Variants in SLC4A11 observed in about 807,000 individuals in gnomAD.
SLC4A11 encodes bicarbonate transporter related protein 1.
SLC4A11 carries 74 observed loss-of-function variants against 95.0 expected under a neutral mutation model. That is an observed-to-expected ratio of 0.78 (90% CI 0.65 to 0.95). The LOEUF is 0.95. SLC4A11 is among the 40% of genes least tolerant of loss of function. SLC4A11 has a pLI of 0.00. For synonymous variants in SLC4A11, 548 were observed against 519.0 expected, an observed-to-expected ratio of 1.06 and a Z score of -0.76; for missense variants, 1,081 against 1,192.4, an observed-to-expected ratio of 0.91 and a Z score of 1.38.
Position 3,234,428 on chromosome 20 carries a change from G to GCCCCCAT in SLC4A11, c.292-115_292-114insATGGGGG. On this transcript the variant is annotated intron_variant, in intron 4 of 19. Coordinates refer to ENST00000642402, the MANE Select transcript of SLC4A11 (RefSeq NM_001174089.2). This position sits in a 1 kb window ranked among gnomAD's most constrained non-coding sequence, Gnocchi z 5.8. ...TCCAGCCCCCAGCCCCCAGCCCCCA[G>GCCCCCAT]CCCTGGGCTGGTGCGAGCTCCCTGT... 2 of 1,509,016 alleles carry GCCCCCAT rather than the reference G, an allele frequency of 1.3e-6. No individual in the cohort carries two copies. The highest frequency in any genetic ancestry group is 1.8e-6 in the Non-Finnish European group (2 of 1,090,932). 93.5% of individuals were successfully genotyped at this position (1,509,016 alleles called of 1,614,324 possible).
chr20:3,235,068 G>A (rs1220460205), intron 2 of SLC4A11, 174 bp from the exon 3 acceptor site: 1 of 708,576 alleles, frequency 1.4e-6, no homozygotes, highest in Non-Finnish European at 2.4e-6. Context: ...GCCCCACACA[G>A]GACATGGCAG....
chr20:3,238,866 C>T (rs1568549641), intron 1 of SLC4A11: 13 of 1,223,242 alleles, frequency 1.1e-5, no homozygotes, highest in African/African-American at 1.6e-5. Context: ...TTCAAGACGG[C>T]GACAGCAGAG....
At position 3,230,565 on chromosome 20, in the gene SLC4A11, A is replaced by C. The variant is rs1400611378; in HGVS notation, c.1365T>G (p.Leu455=). 5.6e-6 allele frequency: 9 copies of C among 1,613,928 alleles called. No homozygotes were observed. Among genetic ancestry groups the C allele is most frequent in the Non-Finnish European group, 7.6e-6 (9 of 1,180,020 alleles). The change falls in exon 12 of 20, where the codon CTT becomes CTG. Residue 455 remains leucine, a synonymous_variant. Transcript: ENST00000642402. ...TGAGGTTGAAAAAGGCATAAAGCGC[A>C]AGGAAGAAACTATTCCACAGGCCCG... ...AWTGLWNSFF[L]ALYAFFNLSL...
chr20:3,232,184 A>G (rs563231392), intron 7 of SLC4A11, among the ~76,000 whole-genome samples: 1 of 152,366 alleles, frequency 6.6e-6, no homozygotes, highest in Non-Finnish European at 1.5e-5. Context: ...ACGTTTCCCC[A>G]GTGGTATTTG....
At chr20:3,229,904 C>T in intron 13 of SLC4A11, 128 bp from the exon 14 acceptor site, 5 of 1,310,366 alleles carry the variant, frequency 3.8e-6, no homozygotes, top group Non-Finnish European at 5.4e-6. Context: ...CGTGCCCATG[C>T]ACCCACACTC....
rs908009217 is a variant in SLC4A11 at position 3,228,117 on chromosome 20, A to G, written c.2558+142T>C. ...GCCCGCCCACTCTCCACCCCTAGGC[A>G]GGACCCCTCCTCCTGGGCACCCACC... is the stretch of plus-strand genomic sequence containing the variant. On this transcript the variant is annotated intron_variant, in intron 19 of 19. Transcript: ENST00000642402. The G allele has an allele frequency of 1.4e-5, 11 of 765,426 alleles. No homozygotes were observed. In the Admixed American group the frequency reaches 2.5e-4, roughly 18 times the overall value. 47.4% of individuals were successfully genotyped at this position (765,426 alleles called of 1,614,324 possible).
rs758097933 is a variant in SLC4A11, at chr20:3,234,101, C to A, written c.505G>T (p.Ala169Ser). ...GCCTCACCTTTACCCCGCATGGGTG[C>A]CCCGGCATCGGTGAAGAGCATGGCC... is the stretch of plus-strand genomic sequence containing the variant. Reference protein sequence around the residue: ...LMAMLFTDAGAPMRGKVHLLS... With the variant: ...LMAMLFTDAGSPMRGKVHLLS... Residue 169 changes from alanine (A) to serine (S), a missense_variant, in exon 5 of 20, where the codon GCA becomes TCA. Coordinates refer to ENST00000642402, the MANE Select transcript of SLC4A11 (RefSeq NM_001174089.2). The surrounding 1 kb of genome is among the most constrained non-coding windows in gnomAD (Gnocchi z 5.8). The A allele has an allele frequency of 1.2e-6, 2 of 1,613,956 alleles. No homozygotes were observed. Among genetic ancestry groups the A allele is most frequent in the African/African-American group, 1.3e-5 (1 of 75,050 alleles).
At chr20:3,230,409 T>G in intron 12 of SLC4A11, 106 bp downstream of exon 12, 2 of 1,590,264 alleles carry the variant, frequency 1.3e-6, no homozygotes, top group South Asian at 1.1e-5. Flanking sequence ...CCCAGCCCCT[T>G]GGGGCAGCAA....
rs2067637085 is a variant in SLC4A11, at chr20:3,228,799, C to T, written c.2192+39G>A. ...GTCCCATGTGGCCAGAGGCTCCCCA[C>T]TCCTCAGGGTCCACGGCTCTTGCCA... On this transcript the variant is annotated intron_variant, in intron 17 of 19. Coordinates refer to ENST00000642402, the MANE Select transcript of SLC4A11 (RefSeq NM_001174089.2). 2.5e-6 allele frequency: 4 copies of T among 1,613,370 alleles called. No homozygotes were observed. The African/African-American group carries it at 5.3e-5, about 22-fold the overall frequency.
chr20:3,229,015 C>T lies in SLC4A11; in HGVS notation c.2019-4G>A, dbSNP rs1878987443. ...GTAGGCAGTGCCCTTCACCAGCCTG[C>T]AGCAGACGGGCACTCGTGGACAGAG... On this transcript the variant is annotated splice_polypyrimidine_tract_variant and splice_region_variant and intron_variant, in intron 16 of 19. Transcript: ENST00000642402. 1.9e-6 allele frequency: 3 copies of T among 1,612,772 alleles called. No individual in the cohort carries two copies. Among genetic ancestry groups the T allele is most frequent in the Non-Finnish European group, 2.5e-6 (3 of 1,179,820 alleles).
intron 1 of SLC4A11, chr20:3,238,529 G>A: frequency 1.0e-6 from 1 of 972,292 alleles, no homozygotes; most frequent in African/African-American, 2.0e-5. Context: ...CCCACGTGCA[G>A]GTAAAGGGTC....
chr20:3,228,981 G>A lies in SLC4A11; in HGVS notation c.2049C>T (p.Asp683=). The change falls in exon 17 of 20, where the codon GAC becomes GAT. Residue 683 remains aspartate, a synonymous_variant. Coordinates refer to ENST00000642402, the MANE Select transcript of SLC4A11 (RefSeq NM_001174089.2). ...TGTTGATGATGGCGAGGAGCAGGAG[G>A]TCCCAGTGGTAGGCAGTGCCCTTCA... ...RLVKGTAYHW[D]LLLLAIINTG... The A allele has an allele frequency of 6.2e-7, 1 of 1,613,704 alleles. No individual in the cohort carries two copies. The highest frequency in any genetic ancestry group is 8.5e-7 in the Non-Finnish European group (1 of 1,180,010).
intron 2 of SLC4A11, 83 bp downstream of exon 2, chr20:3,237,461 C>A: frequency 7.1e-7 from 1 of 1,405,970 alleles, no homozygotes; most frequent in East Asian, 2.3e-5. Context: ...AGCCACAGGA[C>A]TCTGGTGGGT....
At chr20:3,232,581 C>T (rs1055402354) in intron 7 of SLC4A11, among the ~76,000 whole-genome samples, 2 of 152,084 alleles carry the variant, frequency 1.3e-5, no homozygotes, top group African/African-American at 4.8e-5. Context: ...TTGGTGGTGG[C>T]GGGTGCCTGT....
rs768544280 is a variant in SLC4A11 at position 3,233,667 on chromosome 20, A to C, written c.606-30T>G. On this transcript the variant is annotated intron_variant, in intron 6 of 19. Transcript: ENST00000642402. The stretch of plus-strand genomic sequence containing the variant: ...CAGGGGCGGGGAGGACACAGTGCAC[A>C]GTTGCACCCCAGGGAGCTGGGGCTC... The C allele has an allele frequency of 3.1e-6, 5 of 1,609,196 alleles. No homozygotes were observed. In the African/African-American group the frequency reaches 6.7e-5, roughly 21 times the overall value.
At chr20:3,235,161 C>A (rs1453562966) in intron 2 of SLC4A11, among the ~76,000 whole-genome samples, 1 of 152,222 alleles carries the variant, frequency 6.6e-6, no homozygotes, top group East Asian at 1.9e-4. Flanking sequence ...GTGAGAAAAA[C>A]ATGTCCACTC....
In SLC4A11 at chr20:3,237,510, C is replaced by T. The variant is rs574244646; in HGVS notation, c.88+34G>A. The T allele has an allele frequency of 5.0e-6, 8 of 1,610,654 alleles. No homozygotes were observed. In the East Asian group the frequency reaches 1.8e-4, roughly 36 times the overall value. On this transcript the variant is annotated intron_variant, in intron 2 of 19. Coordinates refer to ENST00000642402, the MANE Select transcript of SLC4A11 (RefSeq NM_001174089.2). ...TGGAGGCTTTTGCCCGACAAGCTCT[C>T]TCTGCACACACACACTCCCCGAGAG...
intron 19 of SLC4A11, 43 bp from the exon 20 acceptor site, chr20:3,227,899 G>A (rs201388233): frequency 1.9e-6 from 3 of 1,590,328 alleles, no homozygotes. Context: ...GGGTCAGAGA[G>A]AAGGCAGTGG....
At chr20:3,238,286 T>C in intron 1 of SLC4A11, 1 of 1,190,988 alleles carries the variant, frequency 8.4e-7, no homozygotes, top group Non-Finnish European at 1.0e-6. Flanking sequence ...CGGCTGTTTG[T>C]GCCTCGCTGT....
Sources: gnomAD v4.1 joint callset for allele counts (sites outside exome capture counted in the v4.1 genomes callset) on GRCh38, gnomAD v4.1.1 for gene constraint, Gnocchi (gnomAD v3.1) non-coding constraint, MANE v1.5 for transcripts, NCBI Gene and HGNC (gene_info 2026-07-23, HGNC 2026-07-21) for gene names.